The following GPR137C variants were observed in gnomAD, a reference collection of about 807,000 sequenced individuals.
GPR137C encodes integral membrane protein GPR137C.
GPR137C carries 27 observed loss-of-function variants against 43.4 expected under a neutral mutation model. The ratio of observed to expected loss-of-function variants is 0.62; its 90% CI spans 0.46 to 0.86. The LOEUF is 0.86. Ranked by LOEUF, GPR137C falls within the 40% of genes least tolerant of loss-of-function variation. GPR137C has a pLI of 0.00. For missense variants in GPR137C, 522 were observed against 534.6 expected, an observed-to-expected ratio of 0.98 and a Z score of 0.23; for synonymous variants, 285 against 226.9, an observed-to-expected ratio of 1.26 and a Z score of -2.30.
intron 1 of GPR137C, among the ~76,000 whole-genome samples, chr14:52,576,299 A>G (rs2139471872): frequency 6.6e-6 from 1 of 152,322 alleles, no homozygotes; most frequent in Non-Finnish European, 1.5e-5. Context: ...AATTGATAGA[A>G]TTTCATACTC....
intron 1 of GPR137C, among the ~76,000 whole-genome samples, chr14:52,554,583 G>C (rs552917396): frequency 4.3e-4 from 66 of 152,210 alleles, no homozygotes; most frequent in Middle Eastern, 3.4e-3. Flanking sequence ...AGAAAAGCTT[G>C]AGGAGGGGAG....
chr14:52,571,529 C>T (rs181648898), intron 1 of GPR137C, among the ~76,000 whole-genome samples: 1 of 152,184 alleles, frequency 6.6e-6, no homozygotes, highest in East Asian at 1.9e-4. Flanking sequence ...AAACAATTAG[C>T]TGGGTGCAGT....
chr14:52,628,129 A>C (rs2039250944), intron 3 of GPR137C, among the ~76,000 whole-genome samples: 1 of 152,224 alleles, frequency 6.6e-6, no homozygotes. Context: ...AAGCTACAAT[A>C]ATTAAGACAG....
At chr14:52,593,890 T>G (rs563321732) in intron 1 of GPR137C, among the ~76,000 whole-genome samples, 1 of 152,216 alleles carries the variant, frequency 6.6e-6, no homozygotes, top group East Asian at 1.9e-4. Context: ...ATTTGTTTGC[T>G]CTTGCTTCTC....
In GPR137C at chr14:52,636,984, T is replaced by C. The variant is rs1274452151; in HGVS notation, c.*1869T>C. The stretch of plus-strand genomic sequence containing the variant: ...AAGATATGTTGTCTTTGTTAATCCT[T>C]GGGGTTCAAGGTGATAAAGTTTTTC... On this transcript the variant is annotated 3_prime_UTR_variant, in exon 7 of 7. Coordinates refer to ENST00000321662, the MANE Select transcript of GPR137C (RefSeq NM_001099652.2). The C allele has an allele frequency of 6.6e-6, 1 of 152,156 alleles. No individual in the cohort carries two copies. Among genetic ancestry groups the C allele is most frequent in the African/African-American group, 2.4e-5 (1 of 41,460 alleles). The allele number at this position is 152,156 out of a possible 1,614,324, so 9.4% of individuals were successfully genotyped here.
chr14:52,587,852 G>T (rs538164376), intron 1 of GPR137C, among the ~76,000 whole-genome samples: 74 of 152,322 alleles, frequency 4.9e-4, no homozygotes, highest in Admixed American at 1.1e-3. Context: ...GGATGGGAAG[G>T]TGGAGCTAGG....
intron 4 of GPR137C, among the ~76,000 whole-genome samples, chr14:52,633,085 T>C (rs1196843679): frequency 6.6e-6 from 1 of 152,092 alleles, no homozygotes; most frequent in Non-Finnish European, 1.5e-5. Flanking sequence ...ACAAATTTAA[T>C]ATGTAGATTA....
At chr14:52,600,405 A>G (rs183551451) in intron 3 of GPR137C, 64 bp downstream of exon 3, 12 of 792,796 alleles carry the variant, frequency 1.5e-5, no homozygotes, top group East Asian at 5.4e-5. Context: ...TACTAATCAT[A>G]TTTTAATGGA....
At chr14:52,562,845 A>G (rs1012297639) in intron 1 of GPR137C, among the ~76,000 whole-genome samples, 5 of 152,252 alleles carry the variant, frequency 3.3e-5, no homozygotes, top group Non-Finnish European at 7.3e-5. Context: ...GAAAAATAAC[A>G]GGATAAATCC....
intron 3 of GPR137C, among the ~76,000 whole-genome samples, chr14:52,614,376 C>G (rs997978650): frequency 1.3e-5 from 2 of 152,162 alleles, no homozygotes; most frequent in African/African-American, 4.8e-5. Flanking sequence ...CCACCTCGGC[C>G]TTCCAAATTG....
At chr14:52,623,072 T>A (rs1386724352) in intron 3 of GPR137C, among the ~76,000 whole-genome samples, 1 of 152,132 alleles carries the variant, frequency 6.6e-6, no homozygotes, top group Non-Finnish European at 1.5e-5. Context: ...CTTTGATTAT[T>A]TTGGTACCAC....
At chr14:52,576,722 C>T (rs756701716) in intron 1 of GPR137C, among the ~76,000 whole-genome samples, 21 of 152,204 alleles carry the variant, frequency 1.4e-4, no homozygotes, top group Non-Finnish European at 2.5e-4. Flanking sequence ...TTCTACCCTA[C>T]AACCACAGAA....
intron 1 of GPR137C, among the ~76,000 whole-genome samples, chr14:52,588,221 T>C (rs1235396509): frequency 6.6e-6 from 1 of 152,194 alleles, no homozygotes; most frequent in Non-Finnish European, 1.5e-5. Flanking sequence ...CTTGGCTCAC[T>C]GCACCCTCTG....
intron 3 of GPR137C, chr14:52,613,041 T>C (rs371350289): frequency 6.6e-6 from 1 of 152,082 alleles, no homozygotes; most frequent in Non-Finnish European, 1.5e-5. Context: ...GGTCAGGAGA[T>C]CAAGACCATC....
intron 1 of GPR137C, among the ~76,000 whole-genome samples, chr14:52,556,390 T>C (rs1045567910): frequency 1.8e-5 from 2 of 110,156 alleles, no homozygotes; most frequent in African/African-American, 4.4e-5. Context: ...ACCCCTTTTT[T>C]CTTTTTTTTT....
chr14:52,565,225 G>A (rs181301475), intron 1 of GPR137C, among the ~76,000 whole-genome samples: 4 of 152,208 alleles, frequency 2.6e-5, no homozygotes, highest in East Asian at 1.9e-4. Flanking sequence ...GGCTAATACC[G>A]AATAAGCTAA....
intron 1 of GPR137C, among the ~76,000 whole-genome samples, chr14:52,595,932 G>A (rs561128909): frequency 6.6e-6 from 1 of 152,236 alleles, no homozygotes; most frequent in African/African-American, 2.4e-5. Context: ...TTTGTGTTCT[G>A]GTTTCTCCCC....
chr14:52,607,550 G>A (rs772527222), intron 3 of GPR137C, among the ~76,000 whole-genome samples: 6 of 152,184 alleles, frequency 3.9e-5, no homozygotes, highest in African/African-American at 9.6e-5. Flanking sequence ...GTATAATGAC[G>A]TTTGTGTCTT....
intron 1 of GPR137C, among the ~76,000 whole-genome samples, chr14:52,561,663 C>T (rs141468727): frequency 4.3e-4 from 66 of 152,316 alleles, no homozygotes; most frequent in African/African-American, 1.6e-3. Flanking sequence ...GAACAAACTA[C>T]TGACACAACA....
Sources: allele counts gnomAD v4.1 joint callset (sites outside exome capture counted in the v4.1 genomes callset), GRCh38; gene constraint gnomAD v4.1.1; transcripts MANE v1.5; gene names NCBI Gene and HGNC (gene_info 2026-07-23, HGNC 2026-07-21).